STX16: variants seen among roughly 807,000 people sequenced by gnomAD.
The protein encoded by STX16 is syntaxin 16.
STX16 carries 28 observed loss-of-function variants against 42.7 expected under a neutral mutation model. That is an observed-to-expected ratio of 0.66 (90% confidence interval 0.49 to 0.90). The LOEUF is 0.90. Among genes scored for constraint, STX16 ranks in the 40% least tolerant of loss-of-function variants. The pLI is 0.00. For synonymous variants in STX16, 156 were observed against 155.2 expected (o/e 1.00, Z -0.04); for missense variants, 361 against 420.9 (o/e 0.86, Z 1.24).
chr20:58,666,421 G>GT (rs2083829628), intron 2 of STX16, among the ~76,000 whole-genome samples: 1 of 113,496 alleles, frequency 8.8e-6, no homozygotes, highest in Non-Finnish European at 1.7e-5. Flanking sequence ...GTGTGTGTGT[G>GT]TGTTTTTTTT....
chr20:58,666,656 TG>T (rs1375848504), intron 2 of STX16, among the ~76,000 whole-genome samples: 2 of 152,218 alleles, frequency 1.3e-5, no homozygotes, highest in Non-Finnish European at 2.9e-5. Context: ...CTCGAACTCC[TG>T]ACCTCAGATG....
chr20:58,675,309 TCTC>T lies in STX16; in HGVS notation c.874-870_874-868del, dbSNP rs1568831582. 5.3e-5 allele frequency among the ~76,000 whole-genome samples: 8 copies of T among 152,134 alleles called. No homozygotes were observed. The South Asian group carries it at 6.2e-4, about 12-fold the overall frequency. ...TCTCGCCAGGGCTGCCTTCCCGCTGTCTCCTCCTCCCTCCTGTGCCATAGCAAG... is the reference window on the plus strand; with the variant it reads ...TCTCGCCAGGGCTGCCTTCCCGCTGTCTCCTCCCTCCTGTGCCATAGCAAG... On this transcript the variant is annotated intron_variant, in intron 8 of 8. Coordinates refer to ENST00000371141, the MANE Select transcript of STX16 (RefSeq NM_001001433.3).
chr20:58,652,172 C>A (rs1233496178), intron 1 of STX16, 34 bp downstream of exon 1: 2 of 1,611,668 alleles, frequency 1.2e-6, no homozygotes, highest in Non-Finnish European at 1.7e-6. Flanking sequence ...GACACACGGA[C>A]CGTGTGCACT....
At chr20:58,669,503 T>TTA in intron 5 of STX16, 50 bp downstream of exon 5, 1 of 1,551,930 alleles carries the variant, frequency 6.4e-7, no homozygotes, top group Non-Finnish European at 8.6e-7. Context: ...GAAAAGCACT[T>TTA]TATGTTTTCT....
At chr20:58,672,485 A>G (rs2084004432) in intron 7 of STX16, among the ~76,000 whole-genome samples, 1 of 152,090 alleles carries the variant, frequency 6.6e-6, no homozygotes, top group South Asian at 2.1e-4. Flanking sequence ...GTGTATGCAA[A>G]TATTCCAAAA....
At chr20:58,652,976 C>T (rs753663807) in intron 1 of STX16, among the ~76,000 whole-genome samples, 5 of 151,992 alleles carry the variant, frequency 3.3e-5, no homozygotes, top group Non-Finnish European at 4.4e-5. Context: ...GCTACTTTTC[C>T]CTTTCTGAGC....
chr20:58,651,823 T>G lies in STX16; in HGVS notation c.-184T>G. On this transcript the variant is annotated 5_prime_UTR_variant, in exon 1 of 9. Coordinates refer to ENST00000371141, the MANE Select transcript of STX16 (RefSeq NM_001001433.3). ...GACAATTGGAAAGCCTAGGTAGTTA[T>G]TTGGGGAGGGGTCTCTACGCCTTGG... 1 of 602,050 alleles carries G rather than the reference T, an allele frequency of 1.7e-6. No individual in the cohort carries two copies. The highest frequency in any genetic ancestry group is 2.9e-6 in the Non-Finnish European group (1 of 341,796). The allele number at this position is 602,050 out of a possible 1,614,324, so 37.3% of individuals were successfully genotyped here. A position where few individuals can be genotyped will look rare whatever the true frequency, so the allele number is the denominator to read the frequency against.
Position 58,677,827 on chromosome 20 carries a change from C to G in STX16, c.*1536C>G, listed in dbSNP as rs1015410394. On this transcript the variant is annotated 3_prime_UTR_variant, in exon 9 of 9. Coordinates refer to ENST00000371141, the MANE Select transcript of STX16 (RefSeq NM_001001433.3). ...CATGGGCTTAGTGTCCAAACCCCTG[C>G]CCAGCCTTCCCTTTCCAAGTTGGTG... The G allele has an allele frequency of 6.6e-6, 1 of 152,236 alleles. No individual in the cohort carries two copies. The highest frequency in any genetic ancestry group is 6.5e-5 in the Admixed American group (1 of 15,290). 9.4% of individuals were successfully genotyped at this position (152,236 alleles called of 1,614,324 possible). A position where few individuals can be genotyped will look rare whatever the true frequency, so the allele number is the denominator to read the frequency against.
At chr20:58,652,237 TAAG>T (rs1568808568) in intron 1 of STX16, 99 bp downstream of exon 1, 2 of 1,473,728 alleles carry the variant, frequency 1.4e-6, no homozygotes, top group African/African-American at 1.4e-5. Context: ...AAAGAGAAGA[TAAG>T]AATAATAAGA....
At position 58,669,231 on chromosome 20, in the gene STX16, A is replaced by G. The variant is rs985351235; in HGVS notation, c.394-60A>G. ...TTCTCACTCTGGCTTGTGATGTGGC[A>G]GTGTTAGCAGAGGGGCTTCTCTCCC... On this transcript the variant is annotated intron_variant, in intron 4 of 8. Transcript: ENST00000371141. The G allele has an allele frequency of 5.8e-6, 9 of 1,563,102 alleles. No individual in the cohort carries two copies. The African/African-American group carries it at 8.2e-5, about 14-fold the overall frequency.
At chr20:58,668,243 A>C in intron 4 of STX16, 116 bp downstream of exon 4, 29 of 1,379,446 alleles carry the variant, frequency 2.1e-5, no homozygotes, top group Non-Finnish European at 2.7e-5. Context: ...TGAAGTTCTC[A>C]GAGGGACCTC....
intron 2 of STX16, among the ~76,000 whole-genome samples, chr20:58,663,418 T>G (rs1255906866): frequency 6.6e-6 from 1 of 152,196 alleles, no homozygotes; most frequent in Non-Finnish European, 1.5e-5. Context: ...ATGTCAACAT[T>G]TGAAGTGGAT....
Position 58,669,463 on chromosome 20 carries a change from G to T in STX16, c.556+10G>T. 1 of 1,595,094 alleles carries T rather than the reference G, an allele frequency of 6.3e-7. No individual in the cohort carries two copies. Among genetic ancestry groups the T allele is most frequent in the South Asian group, 1.1e-5 (1 of 87,700 alleles). On this transcript the variant is annotated intron_variant, in intron 5 of 8. Coordinates refer to ENST00000371141, the MANE Select transcript of STX16 (RefSeq NM_001001433.3). Reference sequence around the variant, plus strand: ...TCAGGCTACCTCAAACGTGAGTGCTGCCCGGGCCTAGTGAAGGGATTTTGA... The same window carrying T: ...TCAGGCTACCTCAAACGTGAGTGCTTCCCGGGCCTAGTGAAGGGATTTTGA...
intron 2 of STX16, among the ~76,000 whole-genome samples, chr20:58,660,739 T>TTC (rs71181973): frequency 2.7e-4 from 38 of 139,438 alleles, no homozygotes; most frequent in East Asian, 8.3e-4. Flanking sequence ...TTTTTTTTTT[T>TTC]CAGGAAAAAT....
At chr20:58,673,046 G>A (rs901669131) in intron 7 of STX16, among the ~76,000 whole-genome samples, 4 of 151,998 alleles carry the variant, frequency 2.6e-5, no homozygotes, top group African/African-American at 4.8e-5. Flanking sequence ...CAGTGTCCCC[G>A]TCTTCCAATT....
chr20:58,664,848 C>T (rs1228671006), intron 2 of STX16, among the ~76,000 whole-genome samples: 1 of 152,148 alleles, frequency 6.6e-6, no homozygotes, highest in Non-Finnish European at 1.5e-5. Flanking sequence ...ACTCTAAAAT[C>T]ACTATAAATA....
Position 58,669,390 on chromosome 20 carries a change from C to T in STX16, c.493C>T (p.Leu165=). 1 of 1,611,920 alleles carries T rather than the reference C, an allele frequency of 6.2e-7. No individual in the cohort carries two copies. ...GRLLGNVVAS[L]AQALQELSTS... is the part of the protein sequence containing the mutation. ...GCTGCTTGGGAACGTGGTGGCCTCG[C>T]TGGCGCAGGCCCTGCAGGAACTCTC... Residue 165 remains leucine, a synonymous_variant, in exon 5 of 9, where the codon CTG becomes TTG. Transcript: ENST00000371141.
chr20:58,664,366 T>C (rs2083767756), intron 2 of STX16, among the ~76,000 whole-genome samples: 1 of 152,220 alleles, frequency 6.6e-6, no homozygotes, highest in Admixed American at 6.5e-5. Flanking sequence ...AATAGGGTGG[T>C]GTTTCTTTAT....
chr20:58,655,149 T>C (rs1169728356), intron 1 of STX16, among the ~76,000 whole-genome samples: 1 of 152,204 alleles, frequency 6.6e-6, no homozygotes, highest in African/African-American at 2.4e-5. Flanking sequence ...GACTTTGATC[T>C]TGATGCATTT....
Sources: allele counts gnomAD v4.1 joint callset (sites outside exome capture counted in the v4.1 genomes callset), GRCh38; gene constraint gnomAD v4.1.1; transcripts MANE v1.5; gene names NCBI Gene and HGNC (gene_info 2026-07-23, HGNC 2026-07-21).